LRBA: variants seen among roughly 807,000 people sequenced by gnomAD.
LRBA encodes the protein lipopolysaccharide-responsive and beige-like anchor protein.
LRBA carries 176 observed loss-of-function variants against 330.0 expected under a neutral mutation model. The observed-to-expected ratio is 0.53, with a 90% CI of 0.47 to 0.60. The LOEUF (loss-of-function observed/expected upper bound fraction) is 0.60. Among genes scored for constraint, LRBA ranks in the 20% least tolerant of loss-of-function variants. The pLI, the probability that LRBA is intolerant of heterozygous loss-of-function variation, is 0.00. For synonymous variants in LRBA, 1,230 were observed against 1,193.0 expected (o/e 1.03, Z -0.64); for missense variants, 3,259 against 3,444.8 (o/e 0.95, Z 1.35).
At chr4:150,516,289 G>A (rs762450587) in intron 40 of LRBA, among the ~76,000 whole-genome samples, 5 of 122,714 alleles carry the variant, frequency 4.1e-5, no homozygotes, top group Non-Finnish European at 6.3e-5. Context: ...ACAGCTTAAT[G>A]TGGAATGATC....
rs1579044835 is a variant in LRBA at position 150,867,812 on chromosome 4, A to G, written c.2625T>C (p.Tyr875=). 1 of 1,613,838 alleles carries G rather than the reference A, an allele frequency of 6.2e-7. No homozygotes were observed. The highest frequency in any genetic ancestry group is 8.5e-7 in the Non-Finnish European group (1 of 1,179,840). Residue 875 remains tyrosine, a synonymous_variant, in exon 22 of 57, where the codon TAT becomes TAC. Coordinates refer to ENST00000651943, the MANE Select transcript of LRBA (RefSeq NM_001364905.1). The part of the protein sequence containing the change: ...VWQEWMLSLC[Y]FNPKNSDEQK... Reference sequence around the variant, plus strand: ...GCTCATCTGAATTCTTAGGATTAAAATAGCAGAGAGAAAGCATCCATTCTT... The same window carrying G: ...GCTCATCTGAATTCTTAGGATTAAAGTAGCAGAGAGAAAGCATCCATTCTT...
At chr4:150,486,950 T>G (rs1217395320) in intron 42 of LRBA, among the ~76,000 whole-genome samples, 1 of 151,898 alleles carries the variant, frequency 6.6e-6, no homozygotes, top group African/African-American at 2.4e-5. Flanking sequence ...ATCCATGTTA[T>G]TGTAGATAAC....
chr4:150,850,462 G>A (rs760644495), intron 24 of LRBA, among the ~76,000 whole-genome samples: 7 of 151,998 alleles, frequency 4.6e-5, no homozygotes, highest in South Asian at 2.1e-4. Context: ...GGTGAATTCC[G>A]TGCCATAAAA....
At chr4:150,384,045 T>C (rs1334893799) in intron 47 of LRBA, among the ~76,000 whole-genome samples, 3 of 151,964 alleles carry the variant, frequency 2.0e-5, no homozygotes, top group African/African-American at 7.2e-5. Context: ...TATTTATTTA[T>C]TTATTTATTT....
At chr4:150,756,710 A>G (rs1328392895) in intron 35 of LRBA, among the ~76,000 whole-genome samples, 8 of 152,340 alleles carry the variant, frequency 5.3e-5, no homozygotes, top group Admixed American at 4.6e-4. Flanking sequence ...TAAATTTAGT[A>G]TAACACTGAA....
At chr4:150,343,897 T>C (rs1324066607) in intron 48 of LRBA, among the ~76,000 whole-genome samples, 1 of 152,218 alleles carries the variant, frequency 6.6e-6, no homozygotes, top group African/African-American at 2.4e-5. Context: ...AACAGAATCT[T>C]GTTGCCTTTC....
In LRBA at chr4:150,285,256, G is replaced by A. The variant is rs148932144; in HGVS notation, c.8119+677C>T. 5.4e-3 allele frequency among the ~76,000 whole-genome samples: 824 copies of A among 152,348 alleles called. 6 individuals carry two copies. The highest frequency in any genetic ancestry group is 0.019 in the African/African-American group (779 of 41,570). On this transcript the variant is annotated intron_variant, in intron 54 of 56. Transcript: ENST00000651943. Reference sequence around the variant, plus strand: ...TGTGTTCAGACTTCAGCTCAGAGCAGAGACAGAGAGATGGATAGACTATTA... The same window carrying A: ...TGTGTTCAGACTTCAGCTCAGAGCAAAGACAGAGAGATGGATAGACTATTA...
At chr4:150,361,692 GC>G (rs762697254) in intron 47 of LRBA, among the ~76,000 whole-genome samples, 4 of 151,960 alleles carry the variant, frequency 2.6e-5, no homozygotes, top group Non-Finnish European at 4.4e-5. Flanking sequence ...GGCTAGATGA[GC>G]CACACTTCAA....
chr4:151,002,286 G>T (rs1275937158), intron 2 of LRBA, among the ~76,000 whole-genome samples: 1 of 149,704 alleles, frequency 6.7e-6, no homozygotes, highest in Non-Finnish European at 1.5e-5. Context: ...AAATTTACAG[G>T]CCAGGCACGG....
chr4:150,915,282 C>G (rs1438866742), intron 8 of LRBA, among the ~76,000 whole-genome samples: 1 of 152,076 alleles, frequency 6.6e-6, no homozygotes, highest in East Asian at 1.9e-4. Flanking sequence ...TATAAGCATG[C>G]ATCATTTAAC....
At chr4:150,780,851 A>G (rs562512591) in intron 34 of LRBA, among the ~76,000 whole-genome samples, 46 of 151,892 alleles carry the variant, frequency 3.0e-4, no homozygotes, top group African/African-American at 1.1e-3. Context: ...ATTCAAGCAC[A>G]TTACATTTAT....
In LRBA at chr4:150,609,009, T is replaced by C. The variant is rs549034989; in HGVS notation, c.5922-9878A>G. ...TTTTGATTATCCATTCATGTACTGA[T>C]GAACACTTGAGTTGTTTCCATTTTG... is the stretch of plus-strand genomic sequence containing the variant. On this transcript the variant is annotated intron_variant, in intron 37 of 56. Transcript: ENST00000651943. 1.3e-4 allele frequency among the ~76,000 whole-genome samples: 20 copies of C among 152,370 alleles called. No individual in the cohort carries two copies. The East Asian group carries it at 3.9e-3, about 29-fold the overall frequency.
At chr4:150,822,776 T>C (rs964029727) in intron 30 of LRBA, among the ~76,000 whole-genome samples, 3 of 152,106 alleles carry the variant, frequency 2.0e-5, no homozygotes, top group Non-Finnish European at 2.9e-5. Context: ...TAAATAAAAA[T>C]TGAAGCCAGG....
intron 2 of LRBA, among the ~76,000 whole-genome samples, chr4:150,980,775 A>T (rs1740744031): frequency 6.6e-6 from 1 of 152,234 alleles, no homozygotes; most frequent in Non-Finnish European, 1.5e-5. Context: ...GAAGTGATTA[A>T]TTCAGTAAAG....
chr4:150,680,895 T>G (rs985192112), intron 37 of LRBA, among the ~76,000 whole-genome samples: 1 of 152,168 alleles, frequency 6.6e-6, no homozygotes, highest in Non-Finnish European at 1.5e-5. Context: ...AAGCCATCAA[T>G]AGTGAAACAA....
intron 35 of LRBA, among the ~76,000 whole-genome samples, chr4:150,745,568 T>C (rs1732580939): frequency 6.6e-6 from 1 of 152,140 alleles, no homozygotes; most frequent in African/African-American, 2.4e-5. Flanking sequence ...CAGGCTGGAG[T>C]GCAGTGGCAC....
intron 38 of LRBA, chr4:150,597,238 C>A: frequency 4.6e-6 from 2 of 431,318 alleles, no homozygotes. Context: ...TTAATAAATT[C>A]TTTTTTGTCA....
intron 2 of LRBA, among the ~76,000 whole-genome samples, chr4:150,950,744 T>C (rs1736747952): frequency 1.3e-5 from 2 of 152,196 alleles, no homozygotes; most frequent in South Asian, 4.1e-4. Context: ...CTGTATTGTA[T>C]TTACTCTTCC....
chr4:150,446,885 A>C (rs1323619245), intron 44 of LRBA, among the ~76,000 whole-genome samples: 1 of 152,202 alleles, frequency 6.6e-6, no homozygotes, highest in Non-Finnish European at 1.5e-5. Flanking sequence ...ACCCTTTTTA[A>C]AATGAAAATT....
Sources: allele counts gnomAD v4.1 joint callset (sites outside exome capture counted in the v4.1 genomes callset), GRCh38; gene constraint gnomAD v4.1.1; transcripts MANE v1.5; gene names NCBI Gene and HGNC (gene_info 2026-07-23, HGNC 2026-07-21).